TMEM177: variants seen among roughly 807,000 people sequenced by gnomAD.
TMEM177 encodes the protein transmembrane protein 177.
In TMEM177, 4 loss-of-function variants were observed where a neutral mutation model predicts 14.2. That is an observed-to-expected ratio of 0.28 (90% confidence interval 0.14 to 0.64). TMEM177 has a LOEUF of 0.64. Among genes scored for constraint, TMEM177 ranks in the 30% least tolerant of loss-of-function variants. The pLI is 0.82. For missense variants in TMEM177, 344 were observed against 405.2 expected, an observed-to-expected ratio of 0.85 and a Z score of 1.30; for synonymous variants, 179 against 174.5, an observed-to-expected ratio of 1.03 and a Z score of -0.20.
At chr2:119,717,888 G>A in the TMEM177 span, among the ~76,000 whole-genome samples, 1 of 152,050 alleles carries the variant, frequency 6.6e-6, no homozygotes, top group African/African-American at 2.4e-5. Context: ...CCAAAGTGCT[G>A]GGATTATAGG....
chr2:119,685,590 A>G (rs1689000473), downstream of TMEM177: 1 of 712,342 alleles, frequency 1.4e-6, no homozygotes. Flanking sequence ...CTAGGTTTTT[A>G]GAGACATTTT....
At chr2:119,701,699 ACG>A in the TMEM177 span, among the ~76,000 whole-genome samples, 4 of 152,242 alleles carry the variant, frequency 2.6e-5, no homozygotes, top group African/African-American at 9.6e-5. Context: ...AGAGGAATTC[ACG>A]CAGAGCCAGC....
At chr2:119,701,307 C>T in the TMEM177 span, among the ~76,000 whole-genome samples, 16 of 152,268 alleles carry the variant, frequency 1.1e-4, no homozygotes, top group Non-Finnish European at 1.8e-4. Flanking sequence ...GAGAAAACAA[C>T]AGGAGCAAAA....
At chr2:119,682,124 T>G, downstream of TMEM177, 1 of 147,204 alleles carries the variant, frequency 6.8e-6, no homozygotes, top group Non-Finnish European at 1.4e-5. Context: ...TCCTTCTTGG[T>G]CGTTTTTTTT....
At chr2:119,712,316 T>G in the TMEM177 span, among the ~76,000 whole-genome samples, 1 of 152,072 alleles carries the variant, frequency 6.6e-6, no homozygotes. Flanking sequence ...ACACTGAGGC[T>G]TGGTGATTGT....
the TMEM177 span, among the ~76,000 whole-genome samples, chr2:119,714,714 T>TG: frequency 6.6e-6 from 1 of 152,184 alleles, no homozygotes; most frequent in Non-Finnish European, 1.5e-5. Context: ...GCAGCTGTGC[T>TG]GGGGGTCACT....
At chr2:119,700,125 C>A in the TMEM177 span, 1 of 242,798 alleles carries the variant, frequency 4.1e-6, no homozygotes, top group Non-Finnish European at 8.4e-6. Flanking sequence ...GCAGAAGAAA[C>A]TAAAGAAACA....
At chr2:119,714,103 G>T in the TMEM177 span, among the ~76,000 whole-genome samples, 1 of 152,238 alleles carries the variant, frequency 6.6e-6, no homozygotes, top group South Asian at 2.1e-4. Context: ...GGAGAACTTG[G>T]GCTGTGTATG....
the TMEM177 span, among the ~76,000 whole-genome samples, chr2:119,711,643 C>CA: frequency 1.3e-4 from 20 of 152,252 alleles, no homozygotes; most frequent in Middle Eastern, 3.4e-3. Context: ...AACTAAAAGC[C>CA]ACCTTTGTCA....
At chr2:119,688,623 A>G (rs937916921), downstream of TMEM177, among the ~76,000 whole-genome samples, 1 of 152,084 alleles carries the variant, frequency 6.6e-6, no homozygotes, top group African/African-American at 2.4e-5. Context: ...GGACACTGTC[A>G]TATACGTGGT....
At chr2:119,707,015 G>A in the TMEM177 span, among the ~76,000 whole-genome samples, 44 of 152,020 alleles carry the variant, frequency 2.9e-4, no homozygotes, top group East Asian at 7.7e-3. Flanking sequence ...AGGTTCAAGC[G>A]ATTCTCCTGC....
the TMEM177 span, among the ~76,000 whole-genome samples, chr2:119,718,630 G>C: frequency 6.6e-6 from 1 of 152,188 alleles, no homozygotes; most frequent in South Asian, 2.1e-4. Flanking sequence ...GACTAGGTCC[G>C]CATCCAGTGT....
Position 119,680,798 on chromosome 2 carries a change from G to A in TMEM177, c.-22-34G>A. 2.6e-6 allele frequency: 4 copies of A among 1,551,250 alleles called. No individual in the cohort carries two copies. The South Asian group carries it at 4.9e-5, about 19-fold the overall frequency. On this transcript the variant is annotated intron_variant, in intron 1 of 1. Coordinates refer to ENST00000272521, the MANE Select transcript of TMEM177 (RefSeq NM_030577.3). Reference sequence around the variant, plus strand: ...ATGTTCAGTCTGCAGGCTGACCCAGGGAAACTGGCTGACTTCTCTTTTTCT... The same window carrying A: ...ATGTTCAGTCTGCAGGCTGACCCAGAGAAACTGGCTGACTTCTCTTTTTCT...
chr2:119,701,434 G>A, the TMEM177 span, among the ~76,000 whole-genome samples: 5 of 152,204 alleles, frequency 3.3e-5, no homozygotes, highest in African/African-American at 7.2e-5. Flanking sequence ...GACCGCGAGT[G>A]GGTTGAGGGG....
the TMEM177 span, among the ~76,000 whole-genome samples, chr2:119,721,358 T>C: frequency 1.1e-3 from 167 of 152,344 alleles, no homozygotes; most frequent in Middle Eastern, 3.4e-3. Context: ...GAGAGTGATA[T>C]GGCCCAATTC....
chr2:119,684,118 C>A (rs546629536), downstream of TMEM177, among the ~76,000 whole-genome samples: 3 of 152,204 alleles, frequency 2.0e-5, no homozygotes, highest in Non-Finnish European at 4.4e-5. Context: ...TGGCGAAAAC[C>A]GCATCTCCTG....
In TMEM177 at chr2:119,681,635, G is replaced by A. The variant is rs114654166; in HGVS notation, c.782G>A (p.Arg261His). 6.5e-4 allele frequency: 1,049 copies of A among 1,614,240 alleles called. 5 individuals carry two copies. The African/African-American group carries it at 0.011, about 18-fold the overall frequency. The change falls in exon 2 of 2, where the codon CGC (arginine) becomes CAC (histidine). Residue 261 changes from arginine (R) to histidine (H), a missense_variant. By Grantham distance (29) the Arg-to-His change is conservative. Coordinates refer to ENST00000272521, the MANE Select transcript of TMEM177 (RefSeq NM_030577.3). ...CTTCTGTCGGGCAACCTGGCCCTGC[G>A]CAGTCTCTTGGGCAAAGACGGGGAG... ...EKLLSGNLAL[R>H]SLLGKDGEKL... is the part of the protein sequence containing the mutation.
chr2:119,721,884 C>T, the TMEM177 span, among the ~76,000 whole-genome samples: 23 of 152,272 alleles, frequency 1.5e-4, 1 homozygote, highest in Admixed American at 1.1e-3. Flanking sequence ...TCATCCTAGA[C>T]CTAAGACAAT....
At chr2:119,712,494 T>C in the TMEM177 span, among the ~76,000 whole-genome samples, 1 of 152,012 alleles carries the variant, frequency 6.6e-6, no homozygotes, top group Non-Finnish European at 1.5e-5. Flanking sequence ...AAGAGGAAAT[T>C]TGGATACACA....
Sources: gnomAD v4.1 joint callset for allele counts (sites outside exome capture counted in the v4.1 genomes callset) on GRCh38, gnomAD v4.1.1 for gene constraint, MANE v1.5 for transcripts, NCBI Gene and HGNC (gene_info 2026-07-23, HGNC 2026-07-21) for gene names.